The following UBE2O variants were observed in gnomAD, a reference collection of about 807,000 sequenced individuals.
UBE2O encodes (E3-independent) E2 ubiquitin-conjugating enzyme.
A neutral mutation model predicts 125.8 loss-of-function variants in UBE2O; 15 were observed. The observed-to-expected ratio is 0.12, with a 90% CI of 0.08 to 0.18. UBE2O has a LOEUF of 0.18. Among genes scored for constraint, UBE2O ranks in the 10% least tolerant of loss-of-function variants. The probability of loss-of-function intolerance (pLI) is 1.00; values close to 1 mark genes in which losing one functional copy is unlikely to be tolerated. For synonymous variants in UBE2O, 708 were observed against 703.2 expected, an observed-to-expected ratio of 1.01 and a Z score of -0.11; for missense variants, 1,280 against 1,723.6, an observed-to-expected ratio of 0.74 and a Z score of 4.56.
At position 76,402,751 on chromosome 17, in the gene UBE2O, C is replaced by G; in HGVS notation, c.589-52G>C. 6.8e-7 allele frequency: 1 copy of G among 1,460,954 alleles called. No homozygotes were observed. Among genetic ancestry groups the G allele is most frequent in the South Asian group, 1.1e-5 (1 of 88,046 alleles). The allele number at this position is 1,460,954 out of a possible 1,614,324, so 90.5% of individuals were successfully genotyped here. On this transcript the variant is annotated intron_variant, in intron 3 of 17. Transcript: ENST00000319380. This position sits in a 1 kb window ranked among gnomAD's most constrained non-coding sequence, Gnocchi z 5.4. ...GAGACACAGCAGACAACGTTCATGT[C>G]CAGGGCACAGATTCCTCTATGCCCC...
chr17:76,405,285 T>C lies in UBE2O; in HGVS notation c.509A>G (p.Asn170Ser). Residue 170 changes from asparagine (N) to serine (S), a missense_variant, in exon 3 of 18, where the codon AAC becomes AGC. This residue lies in a region of UBE2O where 206 missense variants were observed against 315.7 expected (regional missense o/e 0.65). Coordinates refer to ENST00000319380, the MANE Select transcript of UBE2O (RefSeq NM_022066.4). The surrounding 1 kb of genome is among the most constrained non-coding windows in gnomAD (Gnocchi z 6.1). ...DSQCGTVIDV[N>S]IDCAVKLIGT... Reference sequence around the variant, plus strand: ...GATGAGCTTGACGGCACAGTCGATGTTGACGTCGATCACCGTGCCACACTG... The same window carrying C: ...GATGAGCTTGACGGCACAGTCGATGCTGACGTCGATCACCGTGCCACACTG... 6.2e-7 allele frequency: 1 copy of C among 1,613,192 alleles called. No individual in the cohort carries two copies. Among genetic ancestry groups the C allele is most frequent in the South Asian group, 1.1e-5 (1 of 90,966 alleles).
chr17:76,426,652 A>G (rs1420128641), intron 1 of UBE2O, among the ~76,000 whole-genome samples: 2 of 152,214 alleles, frequency 1.3e-5, no homozygotes, highest in East Asian at 3.8e-4. Context: ...AAGTCAATCA[A>G]TATCCCTCCT....
chr17:76,415,650 C>T (rs2072588484), intron 1 of UBE2O, among the ~76,000 whole-genome samples: 1 of 152,096 alleles, frequency 6.6e-6, no homozygotes, highest in East Asian at 1.9e-4. Flanking sequence ...ACTAAAAATA[C>T]AAAAATCAGC....
Position 76,429,279 on chromosome 17 carries a change from T to G in UBE2O, c.417+23446A>C, listed in dbSNP as rs182585882. On this transcript the variant is annotated intron_variant, in intron 1 of 17. Coordinates refer to ENST00000319380, the MANE Select transcript of UBE2O (RefSeq NM_022066.4). ...AAGTTGGGCTGGGGATGGTGGCTCA[T>G]GCCTGTGATCCCAGCACTTTGTGAG... Among the ~76,000 whole-genome samples the G allele has an allele frequency of 3.9e-5, 6 of 151,976 alleles. No individual in the cohort carries two copies. In the East Asian group the frequency reaches 1.2e-3, roughly 30 times the overall value.
At chr17:76,438,984 C>T (rs762538819) in intron 1 of UBE2O, among the ~76,000 whole-genome samples, 1 of 152,166 alleles carries the variant, frequency 6.6e-6, no homozygotes, top group African/African-American at 2.4e-5. Flanking sequence ...TTGTAAACTG[C>T]CGCCAAATCA....
intron 1 of UBE2O, among the ~76,000 whole-genome samples, chr17:76,424,506 G>A (rs970529038): frequency 1.3e-4 from 20 of 152,090 alleles, no homozygotes; most frequent in African/African-American, 4.1e-4. Flanking sequence ...ACCGTGCCCA[G>A]CCCACTAGTA....
rs346817 is a variant in UBE2O at position 76,400,405 on chromosome 17, G to A, written c.1004+36C>T. On this transcript the variant is annotated intron_variant, in intron 7 of 17. Coordinates refer to ENST00000319380, the MANE Select transcript of UBE2O (RefSeq NM_022066.4). The surrounding 1 kb of genome is among the most constrained non-coding windows in gnomAD (Gnocchi z 4.3). ...CAGGGCCCAGAGCCCTGTCCCACGC[G>A]TGCCCCTGGGTTGCTGGCAGTAAGG... is the stretch of plus-strand genomic sequence containing the variant. 75,757 of 1,596,548 alleles carry A rather than the reference G, an allele frequency of 0.047. 2,499 individuals are homozygous for A. The highest frequency in any genetic ancestry group is 0.12 in the South Asian group (10,611 of 89,436).
chr17:76,444,230 GCAAAACAAAA>G (rs375071440), intron 1 of UBE2O, among the ~76,000 whole-genome samples: 15 of 151,358 alleles, frequency 9.9e-5, no homozygotes, highest in East Asian at 3.9e-4. Flanking sequence ...CACAAACAAA[GCAAAACAAAA>G]CAAAACAAAA....
chr17:76,395,787 T>C lies in UBE2O; in HGVS notation c.2884A>G (p.Met962Val). 6.2e-7 allele frequency: 1 copy of C among 1,614,170 alleles called. No homozygotes were observed. The highest frequency in any genetic ancestry group is 1.1e-5 in the South Asian group (1 of 91,078). Residue 962 changes from methionine (M) to valine (V), a missense_variant, in exon 15 of 18, where the codon ATG becomes GTG. Met to Val is a conservative substitution (Grantham distance 21). Transcript: ENST00000319380. This position sits in a 1 kb window ranked among gnomAD's most constrained non-coding sequence, Gnocchi z 5.0. Reference sequence around the variant, plus strand: ...GGCAGTGAGGTAGCCAGCAGCGCCATCTCCTTCCGCACTGTGCTGAAGAAC... The same window carrying C: ...GGCAGTGAGGTAGCCAGCAGCGCCACCTCCTTCCGCACTGTGCTGAAGAAC... ...KKFFSTVRKE[M>V]ALLATSLPEG... is the part of the protein sequence containing the mutation.
rs145605062 is a variant in UBE2O at position 76,396,585 on chromosome 17, G to C, written c.2352C>G (p.Ala784=). The part of the protein sequence containing the change: ...VVISEEAATA[A]VQGAVAMAAP... Reference sequence around the variant, plus strand: ...CAGCCATGGCCACAGCCCCCTGGACGGCAGCTGTGGCTGCCTCTTCACTGA... The same window carrying C: ...CAGCCATGGCCACAGCCCCCTGGACCGCAGCTGTGGCTGCCTCTTCACTGA... Residue 784 remains alanine (A), a synonymous_variant, in exon 14 of 18, where the codon GCC becomes GCG. Transcript: ENST00000319380. The surrounding 1 kb of genome is among the most constrained non-coding windows in gnomAD (Gnocchi z 6.7). The C allele has an allele frequency of 3.7e-6, 6 of 1,606,916 alleles. No individual in the cohort carries two copies. The South Asian group carries it at 6.6e-5, about 18-fold the overall frequency.
chr17:76,434,171 C>T (rs184624787), intron 1 of UBE2O, among the ~76,000 whole-genome samples: 38 of 152,228 alleles, frequency 2.5e-4, no homozygotes, highest in Admixed American at 1.9e-3. Flanking sequence ...ATAAGGGGCT[C>T]CAGCGAAATG....
intron 13 of UBE2O, among the ~76,000 whole-genome samples, chr17:76,397,205 C>A (rs1449800275): frequency 6.6e-6 from 1 of 152,216 alleles, no homozygotes; most frequent in Admixed American, 6.5e-5. Flanking sequence ...GAGCTGGGAA[C>A]ATATGACAAG....
chr17:76,396,471 C>T lies in UBE2O; in HGVS notation c.2466G>A (p.Glu822=). The T allele has an allele frequency of 6.2e-7, 1 of 1,614,064 alleles. No homozygotes were observed. The highest frequency in any genetic ancestry group is 2.2e-5 in the East Asian group (1 of 44,880). The change falls in exon 14 of 18, where the codon GAG becomes GAA. Residue 822 remains glutamate, a synonymous_variant. Transcript: ENST00000319380. The surrounding 1 kb of genome is among the most constrained non-coding windows in gnomAD (Gnocchi z 6.7). ...GCTCCACAGTCATGTTCTTGAGGCT[C>T]TCCAGGATCTTGATGGCCTCTTTCA... ...RELKEAIKIL[E]SLKNMTVEQL...
At position 76,405,436 on chromosome 17, in the gene UBE2O, A is replaced by G. The variant is rs2072398738; in HGVS notation, c.477+77T>C. 3 of 1,519,684 alleles carry G rather than the reference A, an allele frequency of 2.0e-6. No individual in the cohort carries two copies. Among genetic ancestry groups the G allele is most frequent in the Non-Finnish European group, 2.7e-6 (3 of 1,112,734 alleles). The allele number at this position is 1,519,684 out of a possible 1,614,324, so 94.1% of individuals were successfully genotyped here. Reference sequence around the variant, plus strand: ...AGCTGGCCAGTTCTCCCACATGCAGAGTGCGAGGTGGGCAGGCTCAAGTCC... The same window carrying G: ...AGCTGGCCAGTTCTCCCACATGCAGGGTGCGAGGTGGGCAGGCTCAAGTCC... On this transcript the variant is annotated intron_variant, in intron 2 of 17. Coordinates refer to ENST00000319380, the MANE Select transcript of UBE2O (RefSeq NM_022066.4). This position sits in a 1 kb window ranked among gnomAD's most constrained non-coding sequence, Gnocchi z 6.1.
chr17:76,441,194 T>C (rs150106987), intron 1 of UBE2O, among the ~76,000 whole-genome samples: 300 of 152,338 alleles, frequency 2.0e-3, no homozygotes, highest in African/African-American at 6.7e-3. Flanking sequence ...CAGGAATCCA[T>C]TGACACTGGC....
chr17:76,394,717 T>C (rs2072174824), intron 15 of UBE2O, among the ~76,000 whole-genome samples: 1 of 152,140 alleles, frequency 6.6e-6, no homozygotes, highest in African/African-American at 2.4e-5. Flanking sequence ...AACAATCCTC[T>C]GGGTGTGGGA....
In UBE2O at chr17:76,405,345, C is replaced by A; in HGVS notation, c.478-29G>T. On this transcript the variant is annotated intron_variant, in intron 2 of 17. Coordinates refer to ENST00000319380, the MANE Select transcript of UBE2O (RefSeq NM_022066.4). The surrounding 1 kb of genome is among the most constrained non-coding windows in gnomAD (Gnocchi z 6.1). ...GGGGAGGGAGGAGACATGCAAGTCC[C>A]GTGGTGCAGCAGCCCTGGTCACCAG... is the stretch of plus-strand genomic sequence containing the variant. 6.3e-7 allele frequency: 1 copy of A among 1,585,496 alleles called. No individual in the cohort carries two copies.
At chr17:76,425,027 C>T (rs1282504476) in intron 1 of UBE2O, among the ~76,000 whole-genome samples, 11 of 151,304 alleles carry the variant, frequency 7.3e-5, no homozygotes, top group South Asian at 2.1e-4. Context: ...CCCGCCACCA[C>T]GCCCAGCTAA....
At chr17:76,444,153 A>AGAGGTTGCAGTGAGCC (rs1297906641) in intron 1 of UBE2O, among the ~76,000 whole-genome samples, 1 of 152,184 alleles carries the variant, frequency 6.6e-6, no homozygotes, top group Admixed American at 6.5e-5. Flanking sequence ...CCCAGAAGGC[A>AGAGGTTGCAGTGAGCC]GAGGTTGCAG....
Sources: gnomAD v4.1 joint callset for allele counts (sites outside exome capture counted in the v4.1 genomes callset) on GRCh38, gnomAD v4.1.1 for gene constraint, gnomAD v4.1.1 regional missense constraint, Gnocchi (gnomAD v3.1) non-coding constraint, MANE v1.5 for transcripts, NCBI Gene and HGNC (gene_info 2026-07-23, HGNC 2026-07-21) for gene names.